Variants in STRBP observed in about 807,000 individuals in gnomAD.
STRBP encodes spermatid perinuclear RNA-binding protein.
STRBP carries 13 observed loss-of-function variants against 80.1 expected under a neutral mutation model. The ratio of observed to expected loss-of-function variants is 0.16; its 90% CI spans 0.11 to 0.26. The LOEUF (loss-of-function observed/expected upper bound fraction) is 0.26, where lower values mean the gene tolerates loss of function less well. Ranked by LOEUF, STRBP falls within the 10% of genes least tolerant of loss-of-function variation. The pLI is 1.00. For missense variants in STRBP, 485 were observed against 815.2 expected, an observed-to-expected ratio of 0.59 and a Z score of 4.93; for synonymous variants, 284 against 291.2, an observed-to-expected ratio of 0.98 and a Z score of 0.25.
chr9:123,146,821 A>T, intron 13 of STRBP, 34 bp downstream of exon 13: 1 of 1,537,158 alleles, frequency 6.5e-7, no homozygotes, highest in Non-Finnish European at 8.9e-7. Flanking sequence ...AACATAAAAT[A>T]AGAAAGCATT....
intron 13 of STRBP, among the ~76,000 whole-genome samples, chr9:123,144,214 A>AG (rs35748269): frequency 6.6e-6 from 1 of 151,038 alleles, no homozygotes; most frequent in African/African-American, 2.4e-5. Context: ...AAAAAAAAAA[A>AG]GAAAGAAAGA....
chr9:123,145,642 T>G (rs2036780750), intron 13 of STRBP, among the ~76,000 whole-genome samples: 1 of 152,152 alleles, frequency 6.6e-6, no homozygotes, highest in Admixed American at 6.5e-5. Context: ...GTGAATTGTA[T>G]ATTTCACAAG....
chr9:123,225,684 G>A (rs55679235), intron 2 of STRBP, among the ~76,000 whole-genome samples: 2,576 of 152,230 alleles, frequency 0.017, 30 homozygotes, highest in Middle Eastern at 0.041. Context: ...TGGTATTGGC[G>A]ATTCAACCTC....
intron 1 of STRBP, among the ~76,000 whole-genome samples, chr9:123,242,458 AGACCAGCCTGGCCAACATG>A (rs1239097623): frequency 3.9e-5 from 6 of 152,212 alleles, no homozygotes; most frequent in African/African-American, 1.4e-4. Flanking sequence ...CAGGAGTTTG[AGACCAGCCTGGCCAACATG>A]GCAAAACCCC....
At chr9:123,200,865 G>A (rs1196098083) in intron 2 of STRBP, among the ~76,000 whole-genome samples, 1 of 146,352 alleles carries the variant, frequency 6.8e-6, no homozygotes, top group Non-Finnish European at 1.5e-5. Context: ...ACAGGCATGA[G>A]CCACCATGCC....
chr9:123,112,424 C>G, intron 3 of STRBP: 1 of 167,472 alleles, frequency 6.0e-6, no homozygotes. Flanking sequence ...GCAGCGGACA[C>G]TGTGCTCCTA....
chr9:123,247,600 T>A (rs529984341), intron 1 of STRBP, among the ~76,000 whole-genome samples: 2 of 152,282 alleles, frequency 1.3e-5, no homozygotes, highest in South Asian at 4.1e-4. Context: ...GTAAGCACCC[T>A]AGGCAACTGA....
At chr9:123,132,790 T>C in intron 17 of STRBP, 55 bp downstream of exon 17, 1 of 1,603,480 alleles carries the variant, frequency 6.2e-7, no homozygotes, top group South Asian at 1.1e-5. Flanking sequence ...GGAGATGCTA[T>C]TCTTTGAATT....
intron 14 of STRBP, among the ~76,000 whole-genome samples, 200 bp downstream of exon 14, chr9:123,139,329 G>C (rs981731079): frequency 2.0e-5 from 3 of 152,064 alleles, no homozygotes; most frequent in Non-Finnish European, 4.4e-5. Context: ...ATGTAAAACT[G>C]CATGAAAAGA....
At chr9:123,150,589 A>T (rs185929963) in intron 11 of STRBP, among the ~76,000 whole-genome samples, 52 of 152,300 alleles carry the variant, frequency 3.4e-4, no homozygotes, top group African/African-American at 8.2e-4. Flanking sequence ...TTAAATAAAT[A>T]AATTAATTAA....
At chr9:123,149,568 A>T (rs2036967901) in intron 11 of STRBP, among the ~76,000 whole-genome samples, 1 of 152,226 alleles carries the variant, frequency 6.6e-6, no homozygotes, top group South Asian at 2.1e-4. Flanking sequence ...AGGGGCTGTA[A>T]AATGTGGGGC....
intron 3 of STRBP, chr9:123,113,396 C>T (rs534951104): frequency 6.0e-6 from 1 of 167,374 alleles, no homozygotes; most frequent in East Asian, 1.9e-4. Flanking sequence ...TCCTGCTTCC[C>T]TTCCTGGAGA....
chr9:123,157,188 C>T (rs2037325470), intron 11 of STRBP, among the ~76,000 whole-genome samples: 1 of 152,188 alleles, frequency 6.6e-6, no homozygotes, highest in African/African-American at 2.4e-5. Context: ...CAGACTAATA[C>T]AAATGGAAGA....
intron 3 of STRBP, among the ~76,000 whole-genome samples, chr9:123,182,217 T>TAAAAAAAAAAAAAAAAAAA (rs10546358): frequency 2.9e-5 from 2 of 69,766 alleles, no homozygotes; most frequent in Non-Finnish European, 7.1e-5. Flanking sequence ...TCCGTTTCTT[T>TAAAAAAAAAAAAAAAAAAA]AAAAAAAAAA....
chr9:123,187,203 C>T (rs2038734368), intron 2 of STRBP, among the ~76,000 whole-genome samples: 1 of 151,668 alleles, frequency 6.6e-6, no homozygotes, highest in South Asian at 2.1e-4. Context: ...TCTAGACAAT[C>T]CTCTTTAATA....
Position 123,123,919 on chromosome 9 carries a change from A to G in STRBP, c.*1678T>C. On this transcript the variant is annotated 3_prime_UTR_variant, in exon 19 of 19. Coordinates refer to ENST00000348403, the MANE Select transcript of STRBP (RefSeq NM_018387.5). ...CCAGCTGAAATGGGCCCTCTTGTTT[A>G]TGTCTAGCCACTAATGCACAGGATG... 1.0e-6 allele frequency: 1 copy of G among 985,468 alleles called. No homozygotes were observed. Among genetic ancestry groups the G allele is most frequent in the South Asian group, 4.7e-5 (1 of 21,292 alleles). The allele number at this position is 985,468 out of a possible 1,614,324, so 61.0% of individuals were successfully genotyped here. A position where few individuals can be genotyped will look rare whatever the true frequency, so the allele number is the denominator to read the frequency against.
At chr9:123,185,915 C>T (rs1012820633) in intron 2 of STRBP, among the ~76,000 whole-genome samples, 2 of 151,850 alleles carry the variant, frequency 1.3e-5, no homozygotes, top group Non-Finnish European at 2.9e-5. Context: ...GCCTGTAGTC[C>T]CAGCTACTCG....
chr9:123,168,453 A>G (rs1228819066), intron 6 of STRBP, among the ~76,000 whole-genome samples: 1 of 152,212 alleles, frequency 6.6e-6, no homozygotes, highest in Non-Finnish European at 1.5e-5. Context: ...TTATCCCAAA[A>G]AGCATTTTTT....
intron 1 of STRBP, among the ~76,000 whole-genome samples, chr9:123,256,376 C>T (rs970100931): frequency 6.6e-6 from 1 of 152,094 alleles, no homozygotes; most frequent in South Asian, 2.1e-4. Flanking sequence ...GCATTTTAAT[C>T]AGTGTACAGT....
Sources: gnomAD v4.1 joint callset for allele counts (sites outside exome capture counted in the v4.1 genomes callset) on GRCh38, gnomAD v4.1.1 for gene constraint, MANE v1.5 for transcripts, NCBI Gene and HGNC (gene_info 2026-07-23, HGNC 2026-07-21) for gene names.